The following TADA3 variants were observed in gnomAD, a reference collection of about 807,000 sequenced individuals.
TADA3 encodes the protein transcriptional adaptor 3.
A neutral mutation model predicts 43.2 loss-of-function variants in TADA3; 25 were observed. The observed-to-expected ratio is 0.58, with a 90% CI of 0.42 to 0.81. The LOEUF (loss-of-function observed/expected upper bound fraction) is 0.81. TADA3 is among the 30% of genes least tolerant of loss of function. TADA3 has a pLI of 0.00. For missense variants in TADA3, 441 were observed against 567.8 expected, an observed-to-expected ratio of 0.78 and a Z score of 2.27; for synonymous variants, 235 against 225.5, an observed-to-expected ratio of 1.04 and a Z score of -0.38.
At chr3:9,788,253 C>A (rs2078661611) in intron 4 of TADA3, 1 of 150,760 alleles carries the variant, frequency 6.6e-6, no homozygotes. Flanking sequence ...TTTATATCTT[C>A]TTTTTTTTTT....
intron 8 of TADA3, among the ~76,000 whole-genome samples, chr3:9,782,098 A>G (rs2078482764): frequency 1.3e-5 from 2 of 152,076 alleles, no homozygotes; most frequent in East Asian, 3.9e-4. Context: ...TCAGTCTCCC[A>G]AAGTGCTGGG....
intron 6 of TADA3, among the ~76,000 whole-genome samples, chr3:9,786,577 T>C (rs1366833717): frequency 6.6e-6 from 1 of 152,156 alleles, no homozygotes; most frequent in Non-Finnish European, 1.5e-5. Context: ...TGAGCCTCAA[T>C]CTTCTTATCT....
intron 6 of TADA3, 78 bp downstream of exon 6, chr3:9,786,928 T>C (rs931551202): frequency 7.4e-7 from 1 of 1,350,124 alleles, no homozygotes; most frequent in Non-Finnish European, 1.0e-6. Context: ...AAATGTATGA[T>C]AAATTCCGAT....
chr3:9,790,984 T>G (rs1186682682), intron 2 of TADA3, among the ~76,000 whole-genome samples: 2 of 152,242 alleles, frequency 1.3e-5, no homozygotes, highest in Non-Finnish European at 2.9e-5. Flanking sequence ...ATAACTGTCC[T>G]AATTACCTTT....
upstream of TADA3, chr3:9,792,508 G>C: frequency 2.5e-6 from 3 of 1,217,898 alleles, no homozygotes; most frequent in Non-Finnish European, 3.1e-6. Flanking sequence ...TGACGCGGGG[G>C]CGGGGAGTCA....
chr3:9,791,523 C>T, intron 1 of TADA3, 30 bp from the exon 2 acceptor site: 2 of 1,416,280 alleles, frequency 1.4e-6, no homozygotes, highest in Non-Finnish European at 1.9e-6. Flanking sequence ...TGATGGGAGA[C>T]AAAGTGGTCT....
At chr3:9,789,195 G>A (rs2078683716) in intron 4 of TADA3, among the ~76,000 whole-genome samples, 1 of 152,210 alleles carries the variant, frequency 6.6e-6, no homozygotes, top group Non-Finnish European at 1.5e-5. Flanking sequence ...AACAGGAAGA[G>A]AGTTAAGAGG....
chr3:9,789,993 G>A (rs1005205622), intron 2 of TADA3, 30 bp from the exon 3 acceptor site: 3 of 1,556,078 alleles, frequency 1.9e-6, no homozygotes, highest in Non-Finnish European at 2.6e-6. Flanking sequence ...TCACTGAGGG[G>A]GAGAAGGGAA....
Position 9,791,494 on chromosome 3 carries a change from C to G in TADA3, c.-27-1G>C, listed in dbSNP as rs1339858565. On this transcript the variant is annotated splice_acceptor_variant, in intron 1 of 8. Coordinates refer to ENST00000301964, the MANE Select transcript of TADA3 (RefSeq NM_006354.5). LOFTEE classifies it low-confidence loss of function (5UTR_SPLICE). ...CCCAGGATATGGGGATCCTGTGGAG[C>G]TGGAGAGGACAGGGCCATTGATGGG... The G allele has an allele frequency of 6.4e-7, 1 of 1,563,818 alleles. No individual in the cohort carries two copies.
chr3:9,792,421 G>A lies in TADA3; in HGVS notation c.-233C>T. 3.8e-6 allele frequency: 4 copies of A among 1,046,482 alleles called. No individual in the cohort carries two copies. Among genetic ancestry groups the A allele is most frequent in the Non-Finnish European group, 3.5e-6 (3 of 856,366 alleles). 64.8% of individuals were successfully genotyped at this position (1,046,482 alleles called of 1,614,324 possible). A position where few individuals can be genotyped will look rare whatever the true frequency, so the allele number is the denominator to read the frequency against. ...GCTGCGGCCTCCTACGGCCCCAGGG[G>A]CCGCGGGAGGGGGCGGGGAGTTCCG... On this transcript the variant is annotated 5_prime_UTR_variant, in exon 1 of 9. Transcript: ENST00000301964.
chr3:9,787,481 T>C (rs746374925), intron 4 of TADA3, 141 bp from the exon 5 acceptor site: 29 of 1,270,260 alleles, frequency 2.3e-5, no homozygotes, highest in Non-Finnish European at 3.1e-5. Flanking sequence ...GGTAAGAAAG[T>C]ACAACGAAGA....
rs2078426393 is a variant in TADA3 at position 9,780,184 on chromosome 3, T to C, written c.*173A>G. ...GGCTAGCCCAGCAGGGCTTCCTGTGTCCTGGTTGTACAGAGCTAGGCCAAA... is the reference window on the plus strand; with the variant it reads ...GGCTAGCCCAGCAGGGCTTCCTGTGCCCTGGTTGTACAGAGCTAGGCCAAA... On this transcript the variant is annotated 3_prime_UTR_variant, in exon 9 of 9. Coordinates refer to ENST00000301964, the MANE Select transcript of TADA3 (RefSeq NM_006354.5). 3.3e-6 allele frequency: 2 copies of C among 605,906 alleles called. No individual in the cohort carries two copies. Among genetic ancestry groups the C allele is most frequent in the East Asian group, 5.9e-5 (2 of 34,116 alleles). 37.5% of individuals were successfully genotyped at this position (605,906 alleles called of 1,614,324 possible). A position where few individuals can be genotyped will look rare whatever the true frequency, so the allele number is the denominator to read the frequency against.
Position 9,789,995 on chromosome 3 carries a change from A to T in TADA3, c.208-32T>A, listed in dbSNP as rs963946592. ...TTTACAGAAAGTGTCACTGAGGGGGAGAAGGGAAAACACAGAATATCTCTT... is the reference window on the plus strand; with the variant it reads ...TTTACAGAAAGTGTCACTGAGGGGGTGAAGGGAAAACACAGAATATCTCTT... On this transcript the variant is annotated intron_variant, in intron 2 of 8. Coordinates refer to ENST00000301964, the MANE Select transcript of TADA3 (RefSeq NM_006354.5). 1.9e-6 allele frequency: 3 copies of T among 1,553,998 alleles called. No individual in the cohort carries two copies. The African/African-American group carries it at 4.1e-5, about 21-fold the overall frequency.
rs914558186 is a variant in TADA3 at position 9,784,187 on chromosome 3, C to T, written c.947G>A (p.Ser316Asn). The change falls in exon 8 of 9, where the codon AGC (serine) becomes AAC (asparagine). Residue 316 changes from serine to asparagine, a missense_variant. Ser to Asn is a conservative substitution (Grantham distance 46, BLOSUM62 1). Transcript: ENST00000301964. ...GGCAATTAGCTCCTCCTTGATGCGG[C>T]TCTCCAGGGACTTAGTATGCGGCAC... is the stretch of plus-strand genomic sequence containing the variant. ...FSVPHTKSLE[S>N]RIKEELIAQG... is the part of the protein sequence containing the mutation. 8.7e-6 allele frequency: 14 copies of T among 1,613,872 alleles called. No homozygotes were observed. The African/African-American group carries it at 1.2e-4, about 14-fold the overall frequency.
At chr3:9,785,849 T>C (rs1430743473) in intron 6 of TADA3, among the ~76,000 whole-genome samples, 2 of 152,206 alleles carry the variant, frequency 1.3e-5, no homozygotes, top group African/African-American at 4.8e-5. Context: ...ATGTGACAAG[T>C]TCTCTCCAGG....
intron 4 of TADA3, among the ~76,000 whole-genome samples, chr3:9,788,808 G>T (rs992989727): frequency 6.6e-6 from 1 of 151,454 alleles, no homozygotes; most frequent in African/African-American, 2.4e-5. Context: ...CCAAAGTGTT[G>T]GGATTACAGG....
At chr3:9,792,643 G>A (rs1405477709), upstream of TADA3, 6 of 1,231,010 alleles carry the variant, frequency 4.9e-6, no homozygotes, top group Non-Finnish European at 6.1e-6. Context: ...GGGGCGGGAG[G>A]CGGAGCTTGG....
At chr3:9,791,860 C>T (rs769412056) in intron 1 of TADA3, among the ~76,000 whole-genome samples, 7 of 152,212 alleles carry the variant, frequency 4.6e-5, no homozygotes, top group Non-Finnish European at 8.8e-5. Context: ...TGCCTTGCCT[C>T]GCCTTTCTGA....
At chr3:9,780,618 AC>A (rs2125613619) in intron 8 of TADA3, 69 bp from the exon 9 acceptor site, 2 of 1,475,810 alleles carry the variant, frequency 1.4e-6, no homozygotes, top group Admixed American at 2.2e-5. Flanking sequence ...CCTCTTCAAG[AC>A]CGAGCCTACC....
Sources: allele counts gnomAD v4.1 joint callset (sites outside exome capture counted in the v4.1 genomes callset), GRCh38; gene constraint gnomAD v4.1.1; transcripts MANE v1.5; gene names NCBI Gene and HGNC (gene_info 2026-07-23, HGNC 2026-07-21).